Variants in AKAP11 observed in about 807,000 individuals in gnomAD.
The protein encoded by AKAP11 is A-kinase anchor protein 11.
In AKAP11, 36 loss-of-function variants were observed where a neutral mutation model predicts 146.1. That is an observed-to-expected ratio of 0.25 (90% confidence interval 0.19 to 0.33). The LOEUF is 0.33. AKAP11 is among the 10% of genes least tolerant of loss of function. AKAP11 has a pLI of 1.00. For synonymous variants in AKAP11, 780 were observed against 786.5 expected, an observed-to-expected ratio of 0.99 and a Z score of 0.14; for missense variants, 2,201 against 2,197.0, an observed-to-expected ratio of 1.00 and a Z score of -0.04.
chr13:42,295,783 T>C, intron 5 of AKAP11, 41 bp downstream of exon 5: 1 of 1,584,294 alleles, frequency 6.3e-7, no homozygotes, highest in Admixed American at 1.7e-5. Context: ...ATTCTTGTCA[T>C]GGAAATCAGC....
intron 9 of AKAP11, among the ~76,000 whole-genome samples, chr13:42,311,235 C>A (rs1960549078): frequency 6.6e-6 from 1 of 152,106 alleles, no homozygotes; most frequent in South Asian, 2.1e-4. Flanking sequence ...TGGAGTACTC[C>A]TGTGCTAGAC....
chr13:42,322,424 CTTAG>C lies in AKAP11; in HGVS notation c.*3200_*3203del, dbSNP rs1480364062. 3 of 152,260 alleles carry C rather than the reference CTTAG, an allele frequency of 2.0e-5. No individual in the cohort carries two copies. Among genetic ancestry groups the C allele is most frequent in the East Asian group, 1.9e-4 (1 of 5,340 alleles). 9.4% of individuals were successfully genotyped at this position (152,260 alleles called of 1,614,324 possible). A position where few individuals can be genotyped will look rare whatever the true frequency, so the allele number is the denominator to read the frequency against. On this transcript the variant is annotated 3_prime_UTR_variant, in exon 13 of 13. Coordinates refer to ENST00000025301, the MANE Select transcript of AKAP11 (RefSeq NM_016248.4). Reference sequence around the variant, plus strand: ...AACAGAGTCCAGATTTAAATGTCTACTTAGTTAATTAGTTAGCTGATATTCTTCC... The same window carrying C: ...AACAGAGTCCAGATTTAAATGTCTACTTAATTAGTTAGCTGATATTCTTCC...
chr13:42,301,207 A>G lies in AKAP11; in HGVS notation c.2461A>G (p.Ile821Val). The G allele has an allele frequency of 6.2e-7, 1 of 1,614,086 alleles. No homozygotes were observed. Among genetic ancestry groups the G allele is most frequent in the Non-Finnish European group, 8.5e-7 (1 of 1,179,972 alleles). The change falls in exon 8 of 13, where the codon ATT becomes GTT. Residue 821 changes from isoleucine (I) to valine (V), a missense_variant. By Grantham distance (29) the Ile-to-Val change is conservative. This residue lies in a region of AKAP11 where 1,867 missense variants were observed against 1,833.5 expected (regional missense o/e 1.02). Transcript: ENST00000025301. The stretch of plus-strand genomic sequence containing the variant: ...AAATGGTGATTCTGCCCAAGTGCAT[A>G]TTGCCACAAAAAACAGAGAAGAAAA... ...NSNGDSAQVH[I>V]ATKNREEKAA...
chr13:42,310,652 A>G (rs1429234235), intron 9 of AKAP11, among the ~76,000 whole-genome samples: 1 of 152,122 alleles, frequency 6.6e-6, no homozygotes, highest in East Asian at 1.9e-4. Context: ...TGAGGTCAGG[A>G]GTTCAAGACC....
At chr13:42,312,897 G>A (rs1005661481) in intron 9 of AKAP11, 150 bp from the exon 10 acceptor site, 4 of 649,884 alleles carry the variant, frequency 6.2e-6, no homozygotes, top group African/African-American at 3.8e-5. Flanking sequence ...GCATAGGAGT[G>A]ATGGTCAATC....
intron 8 of AKAP11, among the ~76,000 whole-genome samples, chr13:42,307,560 G>C (rs1960326198): frequency 6.6e-6 from 1 of 152,132 alleles, no homozygotes; most frequent in South Asian, 2.1e-4. Context: ...AAAGTGAAAT[G>C]AGAATAAGTC....
At position 42,303,242 on chromosome 13, in the gene AKAP11, A is replaced by T. The variant is rs775377950; in HGVS notation, c.4496A>T (p.Asn1499Ile). ...GAAAAATCTGGATATGAAGAAGATAATGAGTGTCACGTTACACCAGAATTG... is the reference window on the plus strand; with the variant it reads ...GAAAAATCTGGATATGAAGAAGATATTGAGTGTCACGTTACACCAGAATTG... Reference protein sequence around the residue: ...LFEKSGYEEDNECHVTPELPK... With the variant: ...LFEKSGYEEDIECHVTPELPK... Residue 1499 changes from asparagine to isoleucine, a missense_variant, in exon 8 of 13, where the codon AAT becomes ATT. Asn to Ile is a moderately radical substitution (Grantham distance 149). Around this residue, in one of 3 missense-constraint regions of AKAP11, gnomAD observed 1,867 missense variants for 1,833.5 expected, o/e 1.02. Transcript: ENST00000025301. The T allele has an allele frequency of 3.0e-5, 48 of 1,613,882 alleles. No homozygotes were observed. The highest frequency in any genetic ancestry group is 1.6e-4 in the Middle Eastern group (1 of 6,084).
In AKAP11 at chr13:42,308,435, C is replaced by CT. The variant is rs764147922; in HGVS notation, c.5118-12dup. The CT allele has an allele frequency of 2.6e-6, 4 of 1,538,922 alleles. No individual in the cohort carries two copies. The highest frequency in any genetic ancestry group is 3.5e-6 in the Non-Finnish European group (4 of 1,138,024). ...GGATGCTTTCAATTTGATTTTTTTT[C>CT]TTTTTTTCTTCTTTTTAGTTCAAAA... On this transcript the variant is annotated intron_variant, in intron 8 of 12. Coordinates refer to ENST00000025301, the MANE Select transcript of AKAP11 (RefSeq NM_016248.4).
At position 42,286,391 on chromosome 13, in the gene AKAP11, G is replaced by A; in HGVS notation, c.43G>A (p.Val15Ile). 6.3e-7 allele frequency: 1 copy of A among 1,598,092 alleles called. No homozygotes were observed. The highest frequency in any genetic ancestry group is 8.5e-7 in the Non-Finnish European group (1 of 1,173,932). ...CAATCACATGAAGACTAAAGCATCT[G>A]TCAGAAAAGTAAGTTCACTCTATTA... ...RNNHMKTKAS[V>I]RKSFSEDVFQ... Residue 15 changes from valine to isoleucine, a missense_variant, in exon 3 of 13, where the codon GTC (valine) becomes ATC (isoleucine). Physicochemically the swap from Val to Ile is conservative, Grantham distance 29. This residue lies in a region of AKAP11 where 331 missense variants were observed against 347.4 expected (regional missense o/e 0.95). Transcript: ENST00000025301.
At chr13:42,285,651 C>G (rs1226960408) in intron 1 of AKAP11, among the ~76,000 whole-genome samples, 2 of 152,280 alleles carry the variant, frequency 1.3e-5, no homozygotes, top group African/African-American at 4.8e-5. Context: ...GTTAAAGCAT[C>G]TTTAAAAAGT....
At chr13:42,282,804 C>T (rs1179072427) in intron 1 of AKAP11, among the ~76,000 whole-genome samples, 1 of 152,212 alleles carries the variant, frequency 6.6e-6, no homozygotes, top group Admixed American at 6.5e-5. Context: ...TGTCTCTCAT[C>T]TGCTTTTTTC....
At chr13:42,297,850 C>G (rs1403187759) in intron 6 of AKAP11, among the ~76,000 whole-genome samples, 1 of 151,232 alleles carries the variant, frequency 6.6e-6, no homozygotes, top group Non-Finnish European at 1.5e-5. Context: ...AAAACTAGAA[C>G]TGCTTGCTTC....
At chr13:42,316,684 C>G (rs997354093) in intron 11 of AKAP11, among the ~76,000 whole-genome samples, 3 of 152,126 alleles carry the variant, frequency 2.0e-5, no homozygotes, top group African/African-American at 7.2e-5. Context: ...AGCCACTTCC[C>G]CACTGGAAGA....
intron 3 of AKAP11, among the ~76,000 whole-genome samples, chr13:42,291,550 A>C (rs970569249): frequency 1.3e-5 from 2 of 152,166 alleles, no homozygotes; most frequent in African/African-American, 2.4e-5. Flanking sequence ...CCCAGCCAAT[A>C]ATTATAATAT....
In AKAP11 at chr13:42,300,518, T is replaced by C. The variant is rs1959806844; in HGVS notation, c.1772T>C (p.Val591Ala). The stretch of plus-strand genomic sequence containing the variant: ...TTAGCCATCAAATTGACATCATCTG[T>C]TTTGCAGATGGCATTTGATGAGCTG... ...YHLAIKLTSS[V>A]LQMAFDELRR... Residue 591 changes from valine to alanine, a missense_variant, in exon 8 of 13, where the codon GTT (valine) becomes GCT (alanine). Around this residue, in one of 3 missense-constraint regions of AKAP11, gnomAD observed 1,867 missense variants for 1,833.5 expected, o/e 1.02. Transcript: ENST00000025301. 6.2e-7 allele frequency: 1 copy of C among 1,614,074 alleles called. No homozygotes were observed. Among genetic ancestry groups the C allele is most frequent in the Non-Finnish European group, 8.5e-7 (1 of 1,179,962 alleles).
At chr13:42,274,219 G>A (rs1958855291) in intron 1 of AKAP11, among the ~76,000 whole-genome samples, 1 of 152,102 alleles carries the variant, frequency 6.6e-6, no homozygotes, top group Non-Finnish European at 1.5e-5. Context: ...GGATTGAAGG[G>A]TGAGGACAGG....
At chr13:42,271,731 A>T (rs1362477498), upstream of AKAP11, among the ~76,000 whole-genome samples, 2 of 152,052 alleles carry the variant, frequency 1.3e-5, no homozygotes, top group Admixed American at 6.5e-5. Context: ...TTCCAAGGCA[A>T]CGGACCAGGA....
Position 42,302,995 on chromosome 13 carries a change from C to T in AKAP11, c.4249C>T (p.His1417Tyr), listed in dbSNP as rs555211002. ...KELLMFSNKE[H>Y]HQEADKKRQS... Reference sequence around the variant, plus strand: ...ACTGTTAATGTTTTCAAACAAAGAGCACCACCAAGAAGCAGACAAAAAGAG... The same window carrying T: ...ACTGTTAATGTTTTCAAACAAAGAGTACCACCAAGAAGCAGACAAAAAGAG... Residue 1417 changes from histidine to tyrosine, a missense_variant, in exon 8 of 13, where the codon CAC (histidine) becomes TAC (tyrosine). Transcript: ENST00000025301. The T allele has an allele frequency of 2.7e-5, 44 of 1,613,478 alleles. 1 individual carries two copies. In the South Asian group the frequency reaches 4.3e-4, roughly 16 times the overall value.
chr13:42,292,297 A>C, intron 3 of AKAP11, 88 bp from the exon 4 acceptor site: 1 of 670,202 alleles, frequency 1.5e-6, no homozygotes, highest in Non-Finnish European at 2.5e-6. Context: ...TTAGAGAATG[A>C]GTGACTATCT....
Sources: allele counts gnomAD v4.1 joint callset (sites outside exome capture counted in the v4.1 genomes callset), GRCh38; gene constraint gnomAD v4.1.1; regional missense constraint gnomAD v4.1.1; transcripts MANE v1.5; gene names NCBI Gene and HGNC (gene_info 2026-07-23, HGNC 2026-07-21).